Variants in VEGFD observed in about 807,000 individuals in gnomAD.
VEGFD encodes c-fos induced growth factor (vascular endothelial growth factor D).
Under a neutral mutation model 28.0 loss-of-function variants are expected in VEGFD, and 26 were observed. The observed-to-expected ratio is 0.93, with a 90% CI of 0.68 to 1.29. The LOEUF (loss-of-function observed/expected upper bound fraction) is 1.29, where lower values mean the gene tolerates loss of function less well. Among genes scored for constraint, VEGFD ranks in the 50% most tolerant of loss-of-function variants. The pLI is 0.00. For synonymous variants in VEGFD, 93 were observed against 95.5 expected (o/e 0.97, Z 0.15); for missense variants, 294 against 273.4 (o/e 1.08, Z -0.53).
At chrX:15,359,362 C>CTT (rs1171408211) in intron 2 of VEGFD, among the ~76,000 whole-genome samples, 48 of 62,847 alleles carry the variant, frequency 7.6e-4, no homozygotes, top group South Asian at 2.2e-3. Context: ...CACTTGCAGG[C>CTT]TTTTTTTTTT....
chrX:15,357,198 A>G (rs1281121770), intron 3 of VEGFD, among the ~76,000 whole-genome samples: 1 of 112,139 alleles, frequency 8.9e-6, no homozygotes, highest in Non-Finnish European at 1.9e-5. Context: ...GGAAATTTAT[A>G]AGATGAAGAG....
chrX:15,371,962 A>G (rs1023192086), intron 1 of VEGFD, among the ~76,000 whole-genome samples: 2 of 112,200 alleles, frequency 1.8e-5, no homozygotes, highest in African/African-American at 6.5e-5. Flanking sequence ...GCCCTAACAC[A>G]CGGGATGAAC....
chrX:15,377,934 G>T (rs766094897), intron 1 of VEGFD, among the ~76,000 whole-genome samples: 2 of 111,686 alleles, frequency 1.8e-5, no homozygotes, highest in African/African-American at 6.5e-5. Flanking sequence ...CCAAGATTTC[G>T]GGGGTGTTTG....
chrX:15,370,264 T>C (rs1923274798), intron 1 of VEGFD, among the ~76,000 whole-genome samples: 1 of 112,167 alleles, frequency 8.9e-6, no homozygotes, highest in Admixed American at 9.5e-5. Flanking sequence ...CTTATAGCAA[T>C]AGTAAGAGCT....
At chrX:15,353,322 T>G (rs1922777842) in intron 4 of VEGFD, among the ~76,000 whole-genome samples, 154 bp from the exon 5 acceptor site, 1 of 113,031 alleles carries the variant, frequency 8.8e-6, no homozygotes, top group Non-Finnish European at 1.9e-5. Flanking sequence ...GGTTTTGAGA[T>G]CTATTGCACA....
At chrX:15,369,377 C>A (rs1021351075) in intron 1 of VEGFD, among the ~76,000 whole-genome samples, 1 of 110,297 alleles carries the variant, frequency 9.1e-6, no homozygotes, top group African/African-American at 3.3e-5. Context: ...AAGGGGTTCA[C>A]TTTGGTTGGG....
intron 4 of VEGFD, among the ~76,000 whole-genome samples, chrX:15,353,801 A>T (rs932799588): frequency 9.0e-6 from 1 of 111,285 alleles, no homozygotes; most frequent in African/African-American, 3.3e-5. Context: ...CTTACTAGAT[A>T]GTGATTCTGT....
At chrX:15,351,569 T>C (rs1922732417) in intron 5 of VEGFD, among the ~76,000 whole-genome samples, 1 of 112,062 alleles carries the variant, frequency 8.9e-6, no homozygotes, top group African/African-American at 3.2e-5. Context: ...GGAGAAAGAA[T>C]TAGATTTGTT....
rs1315444281 is a variant in VEGFD at position 15,380,904 on chromosome X, C to T, written c.90+2953G>A. Among the ~76,000 whole-genome samples the T allele has an allele frequency of 8.0e-5, 9 of 112,481 alleles. No homozygotes were observed. In the East Asian group the frequency reaches 1.9e-3, roughly 24 times the overall value. ...GTACAACTGTATATGACTGTCTGAGCTGTATTAAAAAGCTGGAGAAAATAG... is the reference window on the plus strand; with the variant it reads ...GTACAACTGTATATGACTGTCTGAGTTGTATTAAAAAGCTGGAGAAAATAG... On this transcript the variant is annotated intron_variant, in intron 1 of 6. Transcript: ENST00000297904.
rs777413116 is a variant in VEGFD, at chrX:15,351,296, T to A, written c.742+1772A>T. Among the ~76,000 whole-genome samples the A allele has an allele frequency of 1.1e-3, 115 of 104,659 alleles. No homozygotes were observed. The East Asian group carries it at 0.012, about 11-fold the overall frequency. The allele number at this position is 104,659 out of a possible 115,157, so 90.9% of individuals were successfully genotyped here. ...ACGCCCGGCTAATTTTTTTTTTGTA[T>A]TTTTAGTAGAGACGGGGTTTCACCG... On this transcript the variant is annotated intron_variant, in intron 5 of 6. Transcript: ENST00000297904.
intron 4 of VEGFD, among the ~76,000 whole-genome samples, chrX:15,354,672 T>A (rs1445876625): frequency 8.9e-6 from 1 of 112,018 alleles, no homozygotes; most frequent in Non-Finnish European, 1.9e-5. Flanking sequence ...ATAAGGGTTT[T>A]CCATTTGGTA....
At position 15,347,320 on chromosome X, in the gene VEGFD, T is replaced by C. The variant is rs748142888; in HGVS notation, c.782A>G (p.His261Arg). The C allele has an allele frequency of 8.3e-7, 1 of 1,209,343 alleles. No individual in the cohort carries two copies. ...HLQEPALCGP[H>R]MMFDEDRCEC... is the part of the protein sequence containing the mutation. Reference sequence around the variant, plus strand: ...GCAACGATCTTCGTCAAACATCATGTGTGGCCCACAGAGAGCTGGTTCCTG... The same window carrying C: ...GCAACGATCTTCGTCAAACATCATGCGTGGCCCACAGAGAGCTGGTTCCTG... Residue 261 changes from histidine (H) to arginine (R), a missense_variant, in exon 6 of 7, where the codon CAC (histidine) becomes CGC (arginine). Transcript: ENST00000297904.
intron 1 of VEGFD, among the ~76,000 whole-genome samples, chrX:15,365,053 T>C (rs1307380437): frequency 1.8e-5 from 2 of 112,528 alleles, no homozygotes; most frequent in African/African-American, 6.5e-5. Context: ...ACTTATGCAC[T>C]TATGTACATC....
chrX:15,372,487 G>T (rs1923335422), intron 1 of VEGFD, among the ~76,000 whole-genome samples: 1 of 108,687 alleles, frequency 9.2e-6, no homozygotes, highest in African/African-American at 3.5e-5. Context: ...GCTTCTTCTT[G>T]AATCTACCTG....
intron 4 of VEGFD, among the ~76,000 whole-genome samples, chrX:15,353,748 A>T (rs1166464459): frequency 9.0e-6 from 1 of 110,676 alleles, no homozygotes; most frequent in African/African-American, 3.3e-5. Flanking sequence ...CTCAAAAAAA[A>T]AAAAGATTTT....
At chrX:15,377,150 A>T (rs1923458276) in intron 1 of VEGFD, among the ~76,000 whole-genome samples, 1 of 112,611 alleles carries the variant, frequency 8.9e-6, no homozygotes, top group Admixed American at 9.4e-5. Context: ...ACATGCAAAT[A>T]CTTAAGACAT....
chrX:15,373,194 A>G (rs1414306694), intron 1 of VEGFD, among the ~76,000 whole-genome samples: 1 of 112,394 alleles, frequency 8.9e-6, no homozygotes, highest in African/African-American at 3.2e-5. Flanking sequence ...TATACATGCC[A>G]AGTGGAAGAG....
At chrX:15,368,173 AAGG>A (rs1438731956) in intron 1 of VEGFD, among the ~76,000 whole-genome samples, 1 of 110,809 alleles carries the variant, frequency 9.0e-6, no homozygotes, top group East Asian at 2.8e-4. Context: ...AAAGAAAAGA[AAGG>A]AGAGAAAGAG....
intron 1 of VEGFD, among the ~76,000 whole-genome samples, chrX:15,381,274 T>A (rs1301436166): frequency 9.0e-6 from 1 of 111,136 alleles, no homozygotes; most frequent in Admixed American, 9.6e-5. Context: ...AAAAAAAATC[T>A]TCACAGATAC....
Sources: allele counts gnomAD v4.1 joint callset (sites outside exome capture counted in the v4.1 genomes callset), GRCh38; gene constraint gnomAD v4.1.1; transcripts MANE v1.5; gene names NCBI Gene and HGNC (gene_info 2026-07-23, HGNC 2026-07-21).